CDH4: variants seen among roughly 807,000 people sequenced by gnomAD.
CDH4 encodes cadherin 4, also known as cadherin-4.
In CDH4, 33 loss-of-function variants were observed where a neutral mutation model predicts 86.0. The ratio of observed to expected loss-of-function variants is 0.38; its 90% CI spans 0.29 to 0.51. The LOEUF (loss-of-function observed/expected upper bound fraction) is 0.51, where lower values mean the gene tolerates loss of function less well. CDH4 is among the 20% of genes least tolerant of loss of function. The probability of loss-of-function intolerance (pLI) is 0.86; values close to 1 mark genes in which losing one functional copy is unlikely to be tolerated. For missense variants in CDH4, 1,114 were observed against 1,307.4 expected, an observed-to-expected ratio of 0.85 and a Z score of 2.28; for synonymous variants, 555 against 549.4, an observed-to-expected ratio of 1.01 and a Z score of -0.14.
At chr20:61,486,196 C>T (rs993612279) in intron 2 of CDH4, among the ~76,000 whole-genome samples, 3 of 152,208 alleles carry the variant, frequency 2.0e-5, no homozygotes, top group Non-Finnish European at 2.9e-5. Flanking sequence ...CCTTCCACAC[C>T]GCCATGCTGT....
intron 2 of CDH4, among the ~76,000 whole-genome samples, chr20:61,542,714 T>C (rs1408726365): frequency 6.6e-6 from 1 of 152,242 alleles, no homozygotes; most frequent in Non-Finnish European, 1.5e-5. Flanking sequence ...CCTTTTCCTC[T>C]TAATAAATAG....
rs1401866266 is a variant in CDH4, at chr20:61,393,550, C to CA, written c.169+138614dup. Among the ~76,000 whole-genome samples, 1 of 152,158 alleles carries CA rather than the reference C, an allele frequency of 6.6e-6. No homozygotes were observed. ...TGGGGTCTTTATGGAGCAGGATCCT[C>CA]ACGTAGCCCACATTCGCCACAGCCA... On this transcript the variant is annotated intron_variant, in intron 2 of 15. Coordinates refer to ENST00000614565, the MANE Select transcript of CDH4 (RefSeq NM_001794.5). This position sits in a 1 kb window ranked among gnomAD's most constrained non-coding sequence, Gnocchi z 4.3.
chr20:61,441,200 C>A (rs555194061), intron 2 of CDH4, among the ~76,000 whole-genome samples: 2 of 152,310 alleles, frequency 1.3e-5, no homozygotes, highest in South Asian at 4.1e-4. Flanking sequence ...GTCATCCATC[C>A]ATGGCAGGAG....
At chr20:61,808,236 C>T (rs1329758437) in intron 4 of CDH4, among the ~76,000 whole-genome samples, 1 of 152,072 alleles carries the variant, frequency 6.6e-6, no homozygotes, top group African/African-American at 2.4e-5. Context: ...CCGTCTCAGC[C>T]AGTCACTGAG....
intron 2 of CDH4, among the ~76,000 whole-genome samples, chr20:61,567,107 G>C (rs1266285815): frequency 6.6e-6 from 1 of 152,126 alleles, no homozygotes; most frequent in Non-Finnish European, 1.5e-5. Flanking sequence ...CCACCAAGCT[G>C]CCATCCAAAA....
intron 2 of CDH4, among the ~76,000 whole-genome samples, chr20:61,549,006 C>A (rs1375023193): frequency 6.6e-6 from 1 of 151,454 alleles, no homozygotes; most frequent in South Asian, 2.1e-4. Context: ...GGGTGGAAGC[C>A]GCCTTTGGGA....
intron 4 of CDH4, among the ~76,000 whole-genome samples, chr20:61,818,707 C>T (rs957101690): frequency 1.4e-3 from 195 of 140,480 alleles, no homozygotes; most frequent in African/African-American, 4.1e-3. Context: ...AAAAAAAAAG[C>T]GGGAAGTTGC....
chr20:61,440,876 G>A (rs940570027), intron 2 of CDH4, among the ~76,000 whole-genome samples: 17 of 152,304 alleles, frequency 1.1e-4, no homozygotes, highest in African/African-American at 2.4e-4. Flanking sequence ...CACTGCCCTC[G>A]CGGTGGTAAG....
At chr20:61,881,690 A>T (rs1984283766) in intron 7 of CDH4, among the ~76,000 whole-genome samples, 1 of 152,184 alleles carries the variant, frequency 6.6e-6, no homozygotes, top group Non-Finnish European at 1.5e-5. Context: ...GGGGGACTGC[A>T]GGTGGGGAGG....
intron 2 of CDH4, among the ~76,000 whole-genome samples, chr20:61,468,351 G>A (rs1295539135): frequency 8.9e-6 from 1 of 112,526 alleles, no homozygotes; most frequent in East Asian, 2.1e-4. Flanking sequence ...CTCTCTTTGG[G>A]TAAGGTTAAA....
At position 61,630,996 on chromosome 20, in the gene CDH4, A is replaced by G. The variant is rs145382551; in HGVS notation, c.170-112567A>G. Among the ~76,000 whole-genome samples, 3 of 152,326 alleles carry G rather than the reference A, an allele frequency of 2.0e-5. No individual in the cohort carries two copies. The East Asian group carries it at 5.8e-4, about 29-fold the overall frequency. ...ATAGGAGGTGGGCGTGCCCCAGGAA[A>G]TCCTGGAGGGCCTCTCTGAGGAGGT... On this transcript the variant is annotated intron_variant, in intron 2 of 15. Transcript: ENST00000614565.
chr20:61,354,123 G>C (rs1047496197), intron 2 of CDH4, among the ~76,000 whole-genome samples: 1 of 152,076 alleles, frequency 6.6e-6, no homozygotes, highest in Non-Finnish European at 1.5e-5. Flanking sequence ...TGCTGGCATC[G>C]TGTAGGTGGA....
At chr20:61,634,036 G>T (rs149845739) in intron 2 of CDH4, among the ~76,000 whole-genome samples, 173 of 152,322 alleles carry the variant, frequency 1.1e-3, no homozygotes, top group African/African-American at 4.0e-3. Context: ...CCTACGGCAA[G>T]TCAGTGTTTC....
At chr20:61,722,626 C>A (rs939988664) in intron 2 of CDH4, among the ~76,000 whole-genome samples, 1 of 147,084 alleles carries the variant, frequency 6.8e-6, no homozygotes, top group Non-Finnish European at 1.5e-5. Context: ...CAGGGCAGGG[C>A]GCCCCCCCAC....
At chr20:61,687,756 G>A (rs2087601760) in intron 2 of CDH4, among the ~76,000 whole-genome samples, 1 of 152,194 alleles carries the variant, frequency 6.6e-6, no homozygotes, top group Admixed American at 6.5e-5. Context: ...ACCACCTGAT[G>A]AAGCAAAAAT....
chr20:61,729,813 C>T (rs2088157305), intron 2 of CDH4, among the ~76,000 whole-genome samples: 1 of 152,138 alleles, frequency 6.6e-6, no homozygotes, highest in African/African-American at 2.4e-5. Context: ...GCGTTGGATG[C>T]ATCAAGAAGA....
At chr20:61,314,305 C>T (rs2084464620) in intron 2 of CDH4, among the ~76,000 whole-genome samples, 1 of 152,220 alleles carries the variant, frequency 6.6e-6, no homozygotes. Flanking sequence ...AACCATTGTT[C>T]TATTCTCTGC....
chr20:61,808,371 T>A (rs940969890), intron 4 of CDH4, among the ~76,000 whole-genome samples: 2 of 151,502 alleles, frequency 1.3e-5, no homozygotes, highest in South Asian at 2.1e-4. Context: ...TAAATAAATT[T>A]AAAAAAATAC....
intron 2 of CDH4, chr20:61,436,936 G>C (rs2085286321): frequency 6.6e-6 from 1 of 152,536 alleles, no homozygotes; most frequent in African/African-American, 2.4e-5. Context: ...AAGGCCTCTT[G>C]TCTGCTCTGC....
Sources: gnomAD v4.1 joint callset for allele counts (sites outside exome capture counted in the v4.1 genomes callset) on GRCh38, gnomAD v4.1.1 for gene constraint, Gnocchi (gnomAD v3.1) non-coding constraint, MANE v1.5 for transcripts, NCBI Gene and HGNC (gene_info 2026-07-23, HGNC 2026-07-21) for gene names.